Variants in SNX14 observed in about 807,000 individuals in gnomAD.
SNX14 encodes sorting nexin-14.
Under a neutral mutation model 133.8 loss-of-function variants are expected in SNX14, and 93 were observed. That is an observed-to-expected ratio of 0.70 (90% CI 0.59 to 0.83). The LOEUF (loss-of-function observed/expected upper bound fraction) is 0.83, where lower values mean the gene tolerates loss of function less well. SNX14 is among the 40% of genes least tolerant of loss of function. The pLI is 0.00. For missense variants in SNX14, 945 were observed against 1,094.9 expected, an observed-to-expected ratio of 0.86 and a Z score of 1.93; for synonymous variants, 368 against 365.6, an observed-to-expected ratio of 1.01 and a Z score of -0.07.
chr6:85,531,137 A>G (rs1780160048), intron 18 of SNX14, among the ~76,000 whole-genome samples: 1 of 152,242 alleles, frequency 6.6e-6, no homozygotes, highest in African/African-American at 2.4e-5. Flanking sequence ...TTTAATTACC[A>G]CATGCAGCTA....
chr6:85,530,378 C>T (rs1779843584), intron 18 of SNX14, 103 bp from the exon 19 acceptor site: 1 of 714,594 alleles, frequency 1.4e-6, no homozygotes, highest in Non-Finnish European at 2.2e-6. Context: ...GACACGGTGG[C>T]TCACGCCTAT....
At chr6:85,542,464 G>A (rs1310142153) in intron 14 of SNX14, among the ~76,000 whole-genome samples, 3 of 152,054 alleles carry the variant, frequency 2.0e-5, no homozygotes, top group Admixed American at 6.5e-5. Flanking sequence ...GTGCGATCTC[G>A]GCTCACTGCA....
chr6:85,511,774 T>C (rs914030371), intron 26 of SNX14, among the ~76,000 whole-genome samples: 4 of 152,306 alleles, frequency 2.6e-5, no homozygotes, highest in Non-Finnish European at 4.4e-5. Flanking sequence ...AATTCTAACA[T>C]CCCTGCCATA....
At chr6:85,564,015 T>C (rs1346357590) in intron 6 of SNX14, among the ~76,000 whole-genome samples, 2 of 152,068 alleles carry the variant, frequency 1.3e-5, no homozygotes, top group South Asian at 2.1e-4. Flanking sequence ...AGTAAGAACA[T>C]GCGGTGTTTG....
intron 14 of SNX14, among the ~76,000 whole-genome samples, chr6:85,542,273 A>C (rs1217957268): frequency 4.6e-5 from 7 of 152,248 alleles, no homozygotes; most frequent in African/African-American, 1.7e-4. Flanking sequence ...CTGCAGTACT[A>C]CAAAGCCACT....
intron 24 of SNX14, 86 bp downstream of exon 24, chr6:85,514,420 T>C (rs1446497912): frequency 4.0e-6 from 6 of 1,517,868 alleles, no homozygotes; most frequent in Non-Finnish European, 4.5e-6. Flanking sequence ...AAGACAGTTA[T>C]GATGGGGCAA....
chr6:85,534,896 T>C (rs1385110353), intron 17 of SNX14, among the ~76,000 whole-genome samples: 1 of 150,790 alleles, frequency 6.6e-6, no homozygotes, highest in Non-Finnish European at 1.5e-5. Flanking sequence ...GGGTGGTAGA[T>C]ATGCACGTAC....
intron 1 of SNX14, chr6:85,589,127 T>C (rs1388194870): frequency 4.2e-6 from 1 of 239,408 alleles, no homozygotes; most frequent in Non-Finnish European, 8.6e-6. Flanking sequence ...AGTGCCAGTA[T>C]CAAAGAAGGG....
intron 1 of SNX14, among the ~76,000 whole-genome samples, chr6:85,583,896 A>C (rs948298935): frequency 1.3e-5 from 2 of 152,146 alleles, no homozygotes; most frequent in Non-Finnish European, 2.9e-5. Flanking sequence ...AGAAAAAAAA[A>C]TACTTTAAAT....
chr6:85,520,211 T>A lies in SNX14; in HGVS notation c.2108-2163A>T, dbSNP rs190605949. On this transcript the variant is annotated intron_variant, in intron 21 of 28. Transcript: ENST00000314673. ...GTGCACGCCACCACGCCCAGCTAATTTTTGTATTTTTAGTAGAGACAAGGA... is the reference window on the plus strand; with the variant it reads ...GTGCACGCCACCACGCCCAGCTAATATTTGTATTTTTAGTAGAGACAAGGA... 9.2e-5 allele frequency among the ~76,000 whole-genome samples: 14 copies of A among 151,650 alleles called. No homozygotes were observed. In the East Asian group the frequency reaches 2.5e-3, roughly 28 times the overall value.
intron 20 of SNX14, among the ~76,000 whole-genome samples, chr6:85,527,883 A>ATTTG (rs1779000590): frequency 6.6e-6 from 1 of 152,164 alleles, no homozygotes; most frequent in East Asian, 1.9e-4. Flanking sequence ...AAAGCTAAAC[A>ATTTG]CAAAAATCAA....
Position 85,547,308 on chromosome 6 carries a change from A to T in SNX14, c.993+9T>A. 1 of 1,613,112 alleles carries T rather than the reference A, an allele frequency of 6.2e-7. No individual in the cohort carries two copies. The highest frequency in any genetic ancestry group is 8.5e-7 in the Non-Finnish European group (1 of 1,179,816). ...ATATCAAAAAGGTGTTATTGCTGAA[A>T]ATTCTTACAGATGGCTTTTTATTTC... is the stretch of plus-strand genomic sequence containing the variant. On this transcript the variant is annotated intron_variant, in intron 11 of 28. Coordinates refer to ENST00000314673, the MANE Select transcript of SNX14 (RefSeq NM_153816.6).
intron 1 of SNX14, among the ~76,000 whole-genome samples, chr6:85,583,698 A>AAGT: frequency 6.6e-6 from 1 of 152,320 alleles, no homozygotes; most frequent in South Asian, 2.1e-4. Flanking sequence ...AAGGGATGTG[A>AAGT]AGTACCTCTT....
chr6:85,572,399 T>G, intron 2 of SNX14, 25 bp from the exon 3 acceptor site: 1 of 1,534,952 alleles, frequency 6.5e-7, no homozygotes, highest in Non-Finnish European at 8.9e-7. Context: ...TGAGAGGTGG[T>G]GGGGAGATCC....
intron 12 of SNX14, among the ~76,000 whole-genome samples, chr6:85,544,260 T>C (rs968134252): frequency 6.6e-6 from 1 of 152,160 alleles, no homozygotes; most frequent in Non-Finnish European, 1.5e-5. Context: ...AAAATACCAA[T>C]TGCTTTTTCT....
chr6:85,574,300 A>C lies in SNX14; in HGVS notation c.219T>G (p.Ser73=). The C allele has an allele frequency of 6.3e-7, 1 of 1,596,406 alleles. No homozygotes were observed. The highest frequency in any genetic ancestry group is 8.6e-7 in the Non-Finnish European group (1 of 1,167,024). The change falls in exon 2 of 29, where the codon TCT becomes TCG. Residue 73 remains serine (S), a synonymous_variant. Coordinates refer to ENST00000314673, the MANE Select transcript of SNX14 (RefSeq NM_153816.6). The part of the protein sequence containing the change: ...VTFYCSLGPD[S]LLPNIFFTIK... ...TTGTGAAGAATATATTTGGTAAGAG[A>C]GAATCAGGTCCTAGTGAGCAGTAGA...
intron 18 of SNX14, among the ~76,000 whole-genome samples, chr6:85,531,691 A>G (rs970239197): frequency 2.0e-5 from 3 of 152,196 alleles, no homozygotes; most frequent in African/African-American, 7.2e-5. Flanking sequence ...TTACATTGAC[A>G]GTAGAAGTCT....
chr6:85,572,981 T>C (rs574615047), intron 2 of SNX14, among the ~76,000 whole-genome samples: 2 of 152,190 alleles, frequency 1.3e-5, no homozygotes, highest in African/African-American at 4.8e-5. Context: ...AAAAAGAAAG[T>C]GACACTCTAC....
intron 22 of SNX14, 49 bp downstream of exon 22, chr6:85,517,957 AAT>A (rs1775620923): frequency 6.3e-7 from 1 of 1,575,926 alleles, no homozygotes; most frequent in Non-Finnish European, 8.6e-7. Flanking sequence ...TCAATATTTA[AAT>A]ATGTTTATGA....
Sources: allele counts gnomAD v4.1 joint callset (sites outside exome capture counted in the v4.1 genomes callset), GRCh38; gene constraint gnomAD v4.1.1; transcripts MANE v1.5; gene names NCBI Gene and HGNC (gene_info 2026-07-23, HGNC 2026-07-21).